WRAP73: variants seen among roughly 807,000 people sequenced by gnomAD.
WRAP73 encodes WD repeat-containing protein WRAP73.
WRAP73 carries 55 observed loss-of-function variants against 59.6 expected under a neutral mutation model. The observed-to-expected ratio is 0.92, with a 90% CI of 0.74 to 1.15. The LOEUF (loss-of-function observed/expected upper bound fraction) is 1.15. Ranked by LOEUF, WRAP73 falls within the 50% of genes most tolerant of loss-of-function variation. The pLI is 0.00. For missense variants in WRAP73, 592 were observed against 608.1 expected (o/e 0.97, Z 0.28); for synonymous variants, 265 against 258.2 (o/e 1.03, Z -0.25).
rs778838413 is a variant in WRAP73 at position 3,633,363 on chromosome 1, A to T, written c.922+35T>A. 1.8e-5 allele frequency: 28 copies of T among 1,575,414 alleles called. No homozygotes were observed. In the South Asian group the frequency reaches 3.0e-4, roughly 17 times the overall value. On this transcript the variant is annotated intron_variant, in intron 9 of 11. Coordinates refer to ENST00000270708, the MANE Select transcript of WRAP73 (RefSeq NM_017818.4). ...GGACAACGAGGAATCTTGCATTAAA[A>T]AAGGAAAACAAATGACATCACATGT... is the stretch of plus-strand genomic sequence containing the variant.
rs114025945 is a variant in WRAP73 at position 3,648,626 on chromosome 1, C to T, written c.70-1066G>A. 7.6e-3 allele frequency among the ~76,000 whole-genome samples: 1,162 copies of T among 152,312 alleles called. 15 individuals are homozygous for T. Among genetic ancestry groups the T allele is most frequent in the African/African-American group, 0.026 (1,098 of 41,562 alleles). On this transcript the variant is annotated intron_variant, in intron 1 of 11. Coordinates refer to ENST00000270708, the MANE Select transcript of WRAP73 (RefSeq NM_017818.4). ...GAAACATGGACCTGCTCTCCCCAGT[C>T]CTCAGGGCTTTCAAGAAGATGATTC...
chr1:3,633,429 C>T lies in WRAP73; in HGVS notation c.891G>A (p.Gly297=). 6.2e-7 allele frequency: 1 copy of T among 1,612,482 alleles called. No homozygotes were observed. Among genetic ancestry groups the T allele is most frequent in the Non-Finnish European group, 8.5e-7 (1 of 1,179,668 alleles). ...GCLSFPPPRA[G]AGPLPSSESK... is the part of the protein sequence containing the mutation. ...TCTCTGAGCTCGGGAGAGGGCCGGC[C>T]CCGGCCCGGGGCGGCGGGAAGGAGA... Residue 297 remains glycine, a synonymous_variant, in exon 9 of 12, where the codon GGG becomes GGA. Coordinates refer to ENST00000270708, the MANE Select transcript of WRAP73 (RefSeq NM_017818.4).
In WRAP73 at chr1:3,639,208, T is replaced by C; in HGVS notation, c.340-386A>G. ...CTCCTTTATGGGAAGACAGAGGATC[T>C]GGAGATTGGATGCAGCCACTCCGGG... On this transcript the variant is annotated intron_variant, in intron 3 of 11. Transcript: ENST00000270708. The surrounding 1 kb of genome is among the most constrained non-coding windows in gnomAD (Gnocchi z 4.3). 4.9e-6 allele frequency: 1 copy of C among 205,884 alleles called. No homozygotes were observed. The highest frequency in any genetic ancestry group is 9.8e-6 in the Non-Finnish European group (1 of 102,244). The allele number at this position is 205,884 out of a possible 1,614,324, so 12.8% of individuals were successfully genotyped here. A position where few individuals can be genotyped will look rare whatever the true frequency, so the allele number is the denominator to read the frequency against.
At chr1:3,638,036 A>G (rs1450918264) in intron 4 of WRAP73, among the ~76,000 whole-genome samples, 1 of 152,228 alleles carries the variant, frequency 6.6e-6, no homozygotes, top group African/African-American at 2.4e-5. Flanking sequence ...CTAATATTCC[A>G]ACTATAAGAA....
In WRAP73 at chr1:3,649,952, G is replaced by A; in HGVS notation, c.48C>T (p.Phe16=). 3.1e-6 allele frequency: 5 copies of A among 1,603,900 alleles called. No individual in the cohort carries two copies. Among genetic ancestry groups the A allele is most frequent in the Non-Finnish European group, 3.4e-6 (4 of 1,176,388 alleles). Residue 16 remains phenylalanine, a synonymous_variant, in exon 1 of 12, where the codon TTC becomes TTT. Coordinates refer to ENST00000270708, the MANE Select transcript of WRAP73 (RefSeq NM_017818.4). The part of the protein sequence containing the change: ...VFKLSSLLCK[F]SPDGKYLASC... ...TCACCAGGTACTTGCCGTCCGGGGA[G>A]AACTTGCAGAGTAAGCTGGAGAGCT...
In WRAP73 at chr1:3,645,765, G is replaced by C. The variant is rs570232500; in HGVS notation, c.339+901C>G. ...ACTTAAAATGCAGTCTCCTATCCCA[G>C]ATCCCTCTGATTTATTCTCGGATGT... is the stretch of plus-strand genomic sequence containing the variant. On this transcript the variant is annotated intron_variant, in intron 3 of 11. Coordinates refer to ENST00000270708, the MANE Select transcript of WRAP73 (RefSeq NM_017818.4). 2.0e-4 allele frequency among the ~76,000 whole-genome samples: 30 copies of C among 152,298 alleles called. No individual in the cohort carries two copies. In the South Asian group the frequency reaches 3.7e-3, roughly 19 times the overall value.
intron 9 of WRAP73, chr1:3,632,651 ACTC>A (rs1174450377): frequency 6.1e-5 from 24 of 396,030 alleles, no homozygotes; most frequent in African/African-American, 3.9e-4. Flanking sequence ...AGCAGCTCCA[ACTC>A]CTCAGCACTT....
Position 3,633,425 on chromosome 1 carries a change from CG to C in WRAP73, c.894del (p.Gly299AlafsTer22). ...TTACTCTCTGAGCTCGGGAGAGGGC[CG>C]GCCCCGGCCCGGGGCGGCGGGAAGG... The part of the protein sequence containing the change: ...CLSFPPPRAG[A>X]GPLPSSESKY... On this transcript the variant is annotated frameshift_variant, in exon 9 of 12. Transcript: ENST00000270708. LOFTEE classifies it high-confidence loss of function. The C allele has an allele frequency of 6.2e-7, 1 of 1,612,432 alleles. No individual in the cohort carries two copies. The highest frequency in any genetic ancestry group is 8.5e-7 in the Non-Finnish European group (1 of 1,179,662).
At chr1:3,643,344 C>T (rs1437971597) in intron 3 of WRAP73, among the ~76,000 whole-genome samples, 1 of 152,226 alleles carries the variant, frequency 6.6e-6, no homozygotes, top group Non-Finnish European at 1.5e-5. Context: ...AAGGTGCCCT[C>T]AGGTGGGGAG....
chr1:3,636,762 G>T, intron 5 of WRAP73: 1 of 581,996 alleles, frequency 1.7e-6, no homozygotes, highest in Non-Finnish European at 3.2e-6. Flanking sequence ...GGGCTCAAAT[G>T]TGACAGCATA....
At chr1:3,649,581 G>T (rs1266240173) in intron 1 of WRAP73, among the ~76,000 whole-genome samples, 1 of 151,992 alleles carries the variant, frequency 6.6e-6, no homozygotes, top group Non-Finnish European at 1.5e-5. Context: ...TCCCGCACCT[G>T]CCCGGGCACC....
intron 6 of WRAP73, 24 bp downstream of exon 6, chr1:3,635,920 C>T (rs551191791): frequency 6.2e-7 from 1 of 1,604,234 alleles, no homozygotes; most frequent in Non-Finnish European, 8.5e-7. Context: ...CGAAAGCAAA[C>T]ATGTCACCTG....
rs1243596985 is a variant in WRAP73, at chr1:3,638,837, G to T, written c.340-15C>A. 1.2e-6 allele frequency: 2 copies of T among 1,613,628 alleles called. No individual in the cohort carries two copies. The highest frequency in any genetic ancestry group is 3.3e-5 in the Admixed American group (2 of 59,924). ...GTTATCCGCAGCTGTTGGGGGAAAGGGGAAAGAGAAAGGAAACACTTCTTT... is the reference window on the plus strand; with the variant it reads ...GTTATCCGCAGCTGTTGGGGGAAAGTGGAAAGAGAAAGGAAACACTTCTTT... On this transcript the variant is annotated splice_polypyrimidine_tract_variant and intron_variant, in intron 3 of 11. Coordinates refer to ENST00000270708, the MANE Select transcript of WRAP73 (RefSeq NM_017818.4).
intron 3 of WRAP73, 108 bp from the exon 4 acceptor site, chr1:3,638,930 G>A (rs1239805992): frequency 1.4e-5 from 17 of 1,231,486 alleles, no homozygotes; most frequent in Non-Finnish European, 2.0e-5. Context: ...CTGACTGCTG[G>A]AGTGGATCTA....
chr1:3,640,507 AGGGCG>A (rs1469917216), intron 3 of WRAP73, among the ~76,000 whole-genome samples: 2 of 26,300 alleles, frequency 7.6e-5, no homozygotes, highest in South Asian at 1.2e-3. Context: ...GAGCATCAGC[AGGGCG>A]GGGTGCAGCG....
At position 3,639,800 on chromosome 1, in the gene WRAP73, C is replaced by T. The variant is rs112952222; in HGVS notation, c.340-978G>A. Among the ~76,000 whole-genome samples the T allele has an allele frequency of 6.9e-6, 1 of 144,964 alleles. No individual in the cohort carries two copies. Among genetic ancestry groups the T allele is most frequent in the Non-Finnish European group, 1.5e-5 (1 of 66,498 alleles). ...CTCCGTGTGTGGGGACACAGGGCTGCGCAGCTCCATGCGGGGTGGGGTGCT... is the reference window on the plus strand; with the variant it reads ...CTCCGTGTGTGGGGACACAGGGCTGTGCAGCTCCATGCGGGGTGGGGTGCT... On this transcript the variant is annotated intron_variant, in intron 3 of 11. Transcript: ENST00000270708. This position sits in a 1 kb window ranked among gnomAD's most constrained non-coding sequence, Gnocchi z 4.3.
chr1:3,632,304 T>C lies in WRAP73; in HGVS notation c.957A>G (p.Thr319=). 1 of 1,614,192 alleles carries C rather than the reference T, an allele frequency of 6.2e-7. No individual in the cohort carries two copies. Among genetic ancestry groups the C allele is most frequent in the Non-Finnish European group, 8.5e-7 (1 of 1,180,040 alleles). ...EIASVPVSLQ[T]LKPVTDRANP... ...TTGCTCTGTCGGTAACAGGTTTCAG[T>C]GTCTGTAAGGAGACTGGGACAGAGG... Residue 319 remains threonine, a synonymous_variant, in exon 10 of 12, where the codon ACA becomes ACG. Transcript: ENST00000270708.
intron 3 of WRAP73, among the ~76,000 whole-genome samples, chr1:3,644,541 T>C (rs1251885599): frequency 1.3e-5 from 2 of 152,244 alleles, no homozygotes; most frequent in Non-Finnish European, 2.9e-5. Context: ...GTTTCCTCAC[T>C]TGCAACCATT....
At chr1:3,647,265 T>C (rs1644700677) in intron 2 of WRAP73, 143 bp downstream of exon 2, 1 of 887,984 alleles carries the variant, frequency 1.1e-6, no homozygotes, top group South Asian at 2.2e-5. Flanking sequence ...TCTTAAACTT[T>C]AGAGAACGTT....
Sources: allele counts gnomAD v4.1 joint callset (sites outside exome capture counted in the v4.1 genomes callset), GRCh38; gene constraint gnomAD v4.1.1; non-coding constraint Gnocchi (gnomAD v3.1); transcripts MANE v1.5; gene names NCBI Gene and HGNC (gene_info 2026-07-23, HGNC 2026-07-21).